GRIN2B: variants seen among roughly 807,000 people sequenced by gnomAD.
GRIN2B encodes the protein glutamate receptor ionotropic, NMDA 2B.
Under a neutral mutation model 114.5 loss-of-function variants are expected in GRIN2B, and 5 were observed. The observed-to-expected ratio is 0.04, with a 90% CI of 0.02 to 0.09. The LOEUF (loss-of-function observed/expected upper bound fraction) is 0.09. Among genes scored for constraint, GRIN2B ranks in the 10% least tolerant of loss-of-function variants. The pLI, the probability that GRIN2B is intolerant of heterozygous loss-of-function variation, is 1.00. For missense variants in GRIN2B, 1,108 were observed against 1,943.5 expected, an observed-to-expected ratio of 0.57 and a Z score of 8.08; for synonymous variants, 787 against 745.1, an observed-to-expected ratio of 1.06 and a Z score of -0.92.
chr12:13,812,159 T>C (rs979473022), intron 3 of GRIN2B, among the ~76,000 whole-genome samples: 4 of 152,068 alleles, frequency 2.6e-5, no homozygotes, highest in African/African-American at 9.7e-5. Context: ...TCCATAAAAA[T>C]CGATTGAACA....
intron 2 of GRIN2B, among the ~76,000 whole-genome samples, chr12:13,926,960 G>A (rs200556225): frequency 1.6e-3 from 234 of 142,304 alleles, no homozygotes; most frequent in Admixed American, 1.9e-3. Context: ...TCAAAAAAAA[G>A]AAAAAAAAAA....
chr12:13,826,866 C>T (rs1489949494), intron 3 of GRIN2B, among the ~76,000 whole-genome samples: 5 of 151,982 alleles, frequency 3.3e-5, no homozygotes, highest in East Asian at 3.8e-4. Context: ...GCCTGAAAAA[C>T]GTTAATAATT....
intron 5 of GRIN2B, among the ~76,000 whole-genome samples, chr12:13,673,045 C>T (rs1339877325): frequency 6.6e-6 from 1 of 152,110 alleles, no homozygotes; most frequent in Non-Finnish European, 1.5e-5. Flanking sequence ...ACAGCCTCTG[C>T]CCTTTGGAAG....
Position 13,771,463 on chromosome 12 carries a change from G to A in GRIN2B, c.412-17548C>T, listed in dbSNP as rs142934990. The stretch of plus-strand genomic sequence containing the variant: ...AACAAAGCAATAATTTCAAAACAGA[G>A]CAGAAGCATATTGCTGCTATAAAAA... On this transcript the variant is annotated intron_variant, in intron 3 of 13. Transcript: ENST00000609686. Among the ~76,000 whole-genome samples the A allele has an allele frequency of 2.9e-3, 444 of 152,136 alleles. 2 individuals carry two copies. The highest frequency in any genetic ancestry group is 4.5e-3 in the Admixed American group (69 of 15,280).
At chr12:13,580,154 T>C (rs1948828210) in intron 10 of GRIN2B, among the ~76,000 whole-genome samples, 1 of 152,256 alleles carries the variant, frequency 6.6e-6, no homozygotes, top group Non-Finnish European at 1.5e-5. Flanking sequence ...GGCCATCTCC[T>C]GATCAGCTGT....
At chr12:13,610,159 CTGTGCG>C (rs1378203260) in intron 9 of GRIN2B, 6 of 152,200 alleles carry the variant, frequency 3.9e-5, no homozygotes, top group African/African-American at 1.4e-4. Context: ...GCACACACAT[CTGTGCG>C]TGTGGACCTT....
intron 2 of GRIN2B, among the ~76,000 whole-genome samples, chr12:13,891,456 C>T (rs530073821): frequency 1.3e-5 from 2 of 152,216 alleles, no homozygotes; most frequent in East Asian, 3.9e-4. Context: ...TTGTTTAGTG[C>T]ATATCTATAG....
chr12:13,821,812 T>C (rs1334611068), intron 3 of GRIN2B, among the ~76,000 whole-genome samples: 2 of 152,220 alleles, frequency 1.3e-5, no homozygotes, highest in Non-Finnish European at 2.9e-5. Context: ...GCCATCATTC[T>C]ATCCAGGACC....
chr12:13,825,587 G>A (rs1865022225), intron 3 of GRIN2B, among the ~76,000 whole-genome samples: 1 of 148,620 alleles, frequency 6.7e-6, no homozygotes, highest in African/African-American at 2.5e-5. Flanking sequence ...CCCGATGTCG[G>A]CTCACTGCAA....
chr12:13,914,549 AC>A lies in GRIN2B; in HGVS notation c.-18-48324del, dbSNP rs756831492. 5.8e-4 allele frequency among the ~76,000 whole-genome samples: 88 copies of A among 152,314 alleles called. 2 individuals are homozygous for A. Among genetic ancestry groups the A allele is most frequent in the Middle Eastern group, 6.8e-3 (2 of 294 alleles). On this transcript the variant is annotated intron_variant, in intron 2 of 13. Transcript: ENST00000609686. ...AAACTAGATACAGAACTACCACATG[AC>A]CCAGGAATCCCACTAGTGGGTATAC...
chr12:13,864,452 G>A (rs114017669), intron 3 of GRIN2B, among the ~76,000 whole-genome samples: 1,935 of 152,196 alleles, frequency 0.013, 41 homozygotes, highest in African/African-American at 0.045. Context: ...GTTTGAATGT[G>A]GTGATAAAAA....
intron 10 of GRIN2B, among the ~76,000 whole-genome samples, chr12:13,599,005 G>A (rs555217152): frequency 6.6e-6 from 1 of 152,172 alleles, no homozygotes; most frequent in African/African-American, 2.4e-5. Flanking sequence ...CGGCTTGCCT[G>A]CTCGTTTTCT....
At chr12:13,756,214 C>A (rs57493595) in intron 3 of GRIN2B, among the ~76,000 whole-genome samples, 4 of 151,962 alleles carry the variant, frequency 2.6e-5, no homozygotes, top group African/African-American at 9.7e-5. Flanking sequence ...AGGGGTTTCA[C>A]CATCTTGGCC....
At chr12:13,891,049 G>A (rs1866253849) in intron 2 of GRIN2B, among the ~76,000 whole-genome samples, 2 of 152,170 alleles carry the variant, frequency 1.3e-5, no homozygotes, top group Admixed American at 1.3e-4. Flanking sequence ...ACCTTCAGCT[G>A]ATTGCCATCT....
intron 5 of GRIN2B, among the ~76,000 whole-genome samples, chr12:13,627,360 G>A (rs1365048909): frequency 6.6e-6 from 1 of 152,084 alleles, no homozygotes; most frequent in Non-Finnish European, 1.5e-5. Flanking sequence ...TTCTCATAAT[G>A]TACTGTGTAT....
intron 5 of GRIN2B, among the ~76,000 whole-genome samples, chr12:13,651,744 C>G (rs537484840): frequency 6.6e-6 from 1 of 152,136 alleles, no homozygotes; most frequent in East Asian, 1.9e-4. Flanking sequence ...TTTTCTAGTG[C>G]CAGTAAACAG....
chr12:13,656,300 G>A (rs150040276), intron 5 of GRIN2B, among the ~76,000 whole-genome samples: 30 of 152,274 alleles, frequency 2.0e-4, no homozygotes, highest in African/African-American at 6.5e-4. Context: ...ATGGTCACAC[G>A]TAAAACAGTA....
intron 3 of GRIN2B, among the ~76,000 whole-genome samples, chr12:13,813,591 T>G (rs1474307660): frequency 6.6e-6 from 1 of 152,142 alleles, no homozygotes; most frequent in Admixed American, 6.5e-5. Context: ...TCTCACTGCA[T>G]CCTAATGACC....
intron 2 of GRIN2B, among the ~76,000 whole-genome samples, chr12:13,967,319 T>C (rs184403075): frequency 3.3e-5 from 5 of 152,330 alleles, no homozygotes; most frequent in South Asian, 2.1e-4. Context: ...TTCTTTTAAG[T>C]CTCTGAGCAT....
Sources: gnomAD v4.1 joint callset for allele counts (sites outside exome capture counted in the v4.1 genomes callset) on GRCh38, gnomAD v4.1.1 for gene constraint, MANE v1.5 for transcripts, NCBI Gene and HGNC (gene_info 2026-07-23, HGNC 2026-07-21) for gene names.